Variants in HECW1 observed in about 807,000 individuals in gnomAD.
HECW1 encodes HECT, C2 and WW domain containing E3 ubiquitin protein ligase 1, also known as E3 ubiquitin-protein ligase HECW1.
Under a neutral mutation model 182.3 loss-of-function variants are expected in HECW1, and 61 were observed. The ratio of observed to expected loss-of-function variants is 0.33; its 90% CI spans 0.27 to 0.41. The LOEUF (loss-of-function observed/expected upper bound fraction) is 0.41, where lower values mean the gene tolerates loss of function less well. Among genes scored for constraint, HECW1 ranks in the 10% least tolerant of loss-of-function variants. HECW1 has a pLI of 1.00. For missense variants in HECW1, 1,739 were observed against 2,108.9 expected (o/e 0.82, Z 3.44); for synonymous variants, 859 against 832.6 (o/e 1.03, Z -0.55).
Position 43,243,035 on chromosome 7 carries a change from A to T in HECW1, c.-31-840A>T, listed in dbSNP as rs1799036352. On this transcript the variant is annotated intron_variant, in intron 2 of 29. Transcript: ENST00000395891. The surrounding 1 kb of genome is among the most constrained non-coding windows in gnomAD (Gnocchi z 4.0). Reference sequence around the variant, plus strand: ...CTTACACGACTTCATTTGTCAGCAAAGCTTCAGGTTTCATCGGGGTTTGGG... The same window carrying T: ...CTTACACGACTTCATTTGTCAGCAATGCTTCAGGTTTCATCGGGGTTTGGG... Among the ~76,000 whole-genome samples, 2 of 152,184 alleles carry T rather than the reference A, an allele frequency of 1.3e-5. No homozygotes were observed. Among genetic ancestry groups the T allele is most frequent in the Admixed American group, 6.5e-5 (1 of 15,288 alleles).
At chr7:43,495,164 G>A (rs1051152367) in intron 19 of HECW1, among the ~76,000 whole-genome samples, 1 of 152,078 alleles carries the variant, frequency 6.6e-6, no homozygotes, top group Non-Finnish European at 1.5e-5. Flanking sequence ...TGCAGAAAGT[G>A]CAGGATTGTT....
intron 5 of HECW1, among the ~76,000 whole-genome samples, chr7:43,331,940 A>G (rs898105046): frequency 3.9e-5 from 6 of 152,152 alleles, no homozygotes; most frequent in African/African-American, 1.4e-4. Flanking sequence ...TCAGTAGGCA[A>G]CAGGATCCAG....
chr7:43,547,106 G>A (rs1033278884), intron 26 of HECW1, among the ~76,000 whole-genome samples: 3 of 151,990 alleles, frequency 2.0e-5, no homozygotes, highest in East Asian at 1.9e-4. Context: ...TTATCAAACC[G>A]TCCTTTGCTG....
chr7:43,351,861 A>G (rs897875273), intron 5 of HECW1, among the ~76,000 whole-genome samples: 1 of 152,140 alleles, frequency 6.6e-6, no homozygotes, highest in East Asian at 1.9e-4. Context: ...AATAACCTCA[A>G]TTGAATTTCA....
chr7:43,156,580 A>C (rs1317526379), intron 2 of HECW1, among the ~76,000 whole-genome samples: 2 of 152,196 alleles, frequency 1.3e-5, no homozygotes, highest in Admixed American at 6.5e-5. Flanking sequence ...AGATAACCTG[A>C]GATAGTAGGC....
intron 8 of HECW1, among the ~76,000 whole-genome samples, chr7:43,418,827 T>C (rs953227764): frequency 3.9e-5 from 6 of 152,242 alleles, no homozygotes; most frequent in African/African-American, 1.4e-4. Context: ...TCATGTTTTG[T>C]GTTTTTTAAT....
chr7:43,400,448 A>G (rs1469612619), intron 7 of HECW1, among the ~76,000 whole-genome samples: 3 of 152,180 alleles, frequency 2.0e-5, no homozygotes, highest in African/African-American at 7.2e-5. Context: ...TCGTAGGTAA[A>G]CAACAGAAAT....
chr7:43,214,708 G>A (rs1016959669), intron 2 of HECW1, among the ~76,000 whole-genome samples: 1 of 152,212 alleles, frequency 6.6e-6, no homozygotes, highest in Non-Finnish European at 1.5e-5. Context: ...GCAGAGCACA[G>A]GAGACGGCAG....
chr7:43,461,852 G>A (rs1286156689), intron 13 of HECW1, among the ~76,000 whole-genome samples: 2 of 152,190 alleles, frequency 1.3e-5, no homozygotes, highest in African/African-American at 4.8e-5. Flanking sequence ...GTGAGTGGGA[G>A]TCTCTCCAGA....
intron 6 of HECW1, among the ~76,000 whole-genome samples, chr7:43,386,342 G>T (rs1317223377): frequency 6.6e-6 from 1 of 152,206 alleles, no homozygotes; most frequent in African/African-American, 2.4e-5. Flanking sequence ...AATTCTGCCT[G>T]CTGCAAAGGC....
At chr7:43,554,314 G>A (rs2081949563) in intron 28 of HECW1, among the ~76,000 whole-genome samples, 1 of 152,250 alleles carries the variant, frequency 6.6e-6, no homozygotes, top group African/African-American at 2.4e-5. Context: ...TTTAAGTGGA[G>A]TCTCAGTTGT....
At chr7:43,305,281 T>A (rs539427567) in intron 3 of HECW1, among the ~76,000 whole-genome samples, 1 of 152,280 alleles carries the variant, frequency 6.6e-6, no homozygotes, top group Non-Finnish European at 1.5e-5. Context: ...GATGAAACAT[T>A]TCGTTAAGAA....
At chr7:43,365,631 G>T (rs1163150357) in intron 6 of HECW1, among the ~76,000 whole-genome samples, 1 of 152,148 alleles carries the variant, frequency 6.6e-6, no homozygotes, top group Non-Finnish European at 1.5e-5. Flanking sequence ...GATTGCTATT[G>T]TTTATTTATT....
intron 2 of HECW1, among the ~76,000 whole-genome samples, chr7:43,138,136 A>C (rs1183032371): frequency 1.3e-5 from 2 of 152,190 alleles, no homozygotes. Context: ...CTAGCTGTAA[A>C]AGTCAGAATA....
intron 2 of HECW1, among the ~76,000 whole-genome samples, chr7:43,169,470 A>T (rs905399733): frequency 4.6e-5 from 7 of 152,074 alleles, no homozygotes; most frequent in African/African-American, 1.2e-4. Context: ...TGGGAGATAC[A>T]CCCTTTTCCC....
intron 3 of HECW1, among the ~76,000 whole-genome samples, chr7:43,253,316 G>C (rs2152727619): frequency 6.6e-6 from 1 of 152,294 alleles, no homozygotes; most frequent in East Asian, 1.9e-4. Context: ...CCTACACATA[G>C]TTGTTGCTCA....
At chr7:43,235,928 C>T (rs1354630855) in intron 2 of HECW1, among the ~76,000 whole-genome samples, 1 of 152,180 alleles carries the variant, frequency 6.6e-6, no homozygotes, top group African/African-American at 2.4e-5. Flanking sequence ...GTGGTTCACA[C>T]CAGTAATCCC....
At chr7:43,420,693 A>G (rs573135875) in intron 8 of HECW1, among the ~76,000 whole-genome samples, 2 of 152,362 alleles carry the variant, frequency 1.3e-5, no homozygotes, top group South Asian at 4.1e-4. Context: ...AAAATTGTTA[A>G]AAGATATTAT....
chr7:43,357,230 A>G (rs1237840739), intron 5 of HECW1, among the ~76,000 whole-genome samples: 1 of 152,214 alleles, frequency 6.6e-6, no homozygotes, highest in South Asian at 2.1e-4. Flanking sequence ...CAGGGTATAT[A>G]GCAAAAGAAA....
Sources: gnomAD v4.1 joint callset for allele counts (sites outside exome capture counted in the v4.1 genomes callset) on GRCh38, gnomAD v4.1.1 for gene constraint, Gnocchi (gnomAD v3.1) non-coding constraint, MANE v1.5 for transcripts, NCBI Gene and HGNC (gene_info 2026-07-23, HGNC 2026-07-21) for gene names.